Variants in CRELD1 observed in about 807,000 individuals in gnomAD.
CRELD1 encodes the protein CRELD disulfide isomerase 1, also known as protein disulfide isomerase CRELD1.
Under a neutral mutation model 58.2 loss-of-function variants are expected in CRELD1, and 42 were observed. That is an observed-to-expected ratio of 0.72 (90% confidence interval 0.56 to 0.93). CRELD1 has a LOEUF of 0.93. Among genes scored for constraint, CRELD1 ranks in the 40% least tolerant of loss-of-function variants. The probability of loss-of-function intolerance (pLI) is 0.00; values close to 1 mark genes in which losing one functional copy is unlikely to be tolerated. For missense variants in CRELD1, 500 were observed against 540.6 expected, an observed-to-expected ratio of 0.92 and a Z score of 0.74; for synonymous variants, 222 against 202.0, an observed-to-expected ratio of 1.10 and a Z score of -0.84.
Position 9,943,164 on chromosome 3 carries a change from A to C in CRELD1, c.905A>C (p.Lys302Thr), listed in dbSNP as rs947142551. The change falls in exon 9 of 11, where the codon AAG (lysine) becomes ACG (threonine). Residue 302 changes from lysine (K) to threonine (T), a missense_variant. Coordinates refer to ENST00000452070, the MANE Select transcript of CRELD1 (RefSeq NM_001077415.3). ...CSPGYQQVGSKCLDVDECETE... is the reference protein window; with the variant it reads ...CSPGYQQVGSTCLDVDECETE... ...CCTGGCTATCAGCAGGTGGGCTCCAAGTGTCTCGGTGAGTCTCCTGCTGAT... is the reference window on the plus strand; with the variant it reads ...CCTGGCTATCAGCAGGTGGGCTCCACGTGTCTCGGTGAGTCTCCTGCTGAT... 6.2e-7 allele frequency: 1 copy of C among 1,612,828 alleles called. No homozygotes were observed. Among genetic ancestry groups the C allele is most frequent in the Non-Finnish European group, 8.5e-7 (1 of 1,179,800 alleles).
Position 9,941,095 on chromosome 3 carries a change from C to T in CRELD1, c.638-16C>T, listed in dbSNP as rs774885453. On this transcript the variant is annotated splice_polypyrimidine_tract_variant and intron_variant, in intron 6 of 10. Coordinates refer to ENST00000452070, the MANE Select transcript of CRELD1 (RefSeq NM_001077415.3). ...CACCTGCCTGCCCATCCTCATGCTG[C>T]CCCCATTCCACCCAGCTTGTTTTGG... The T allele has an allele frequency of 1.1e-5, 17 of 1,613,984 alleles. No individual in the cohort carries two copies. The highest frequency in any genetic ancestry group is 2.7e-5 in the African/African-American group (2 of 74,940).
Position 9,937,753 on chromosome 3 carries a change from G to A in CRELD1, c.368+81G>A, listed in dbSNP as rs2085236393. 3 of 1,019,038 alleles carry A rather than the reference G, an allele frequency of 2.9e-6. No homozygotes were observed. In the Admixed American group the frequency reaches 6.0e-5, roughly 20 times the overall value. The allele number at this position is 1,019,038 out of a possible 1,614,324, so 63.1% of individuals were successfully genotyped here. On this transcript the variant is annotated intron_variant, in intron 4 of 10. Coordinates refer to ENST00000452070, the MANE Select transcript of CRELD1 (RefSeq NM_001077415.3). ...GGCCTGATTTGGCCGAGAAGCAGGG[G>A]GGTGCATGCTGGGGCCCATGTCCTG...
intron 5 of CRELD1, among the ~76,000 whole-genome samples, chr3:9,939,807 C>T (rs1360863883): frequency 2.0e-5 from 3 of 152,176 alleles, no homozygotes; most frequent in African/African-American, 7.2e-5. Flanking sequence ...TTCCACAAAA[C>T]CGCCATTGTC....
Position 9,942,805 on chromosome 3 carries a change from C to T in CRELD1, c.734-8C>T. The T allele has an allele frequency of 6.2e-7, 1 of 1,612,566 alleles. No individual in the cohort carries two copies. Reference sequence around the variant, plus strand: ...ATTGAAATTCTCACCCTGCTCACCTCTCTGCAGACATTGATGAGTGTGGCA... The same window carrying T: ...ATTGAAATTCTCACCCTGCTCACCTTTCTGCAGACATTGATGAGTGTGGCA... On this transcript the variant is annotated splice_region_variant and splice_polypyrimidine_tract_variant and intron_variant, in intron 7 of 10. Coordinates refer to ENST00000452070, the MANE Select transcript of CRELD1 (RefSeq NM_001077415.3).
Position 9,943,455 on chromosome 3 carries a change from T to G in CRELD1, c.988T>G (p.Cys330Gly). ...TGAAAACACCGAGGGCGGTTATCGC[T>G]GCATCTGTGCCGAGGGCTACAAGCA... ...QCENTEGGYR[C>G]ICAEGYKQME... Residue 330 changes from cysteine (C) to glycine (G), a missense_variant, in exon 10 of 11, where the codon TGC (cysteine) becomes GGC (glycine). By Grantham distance (159) the Cys-to-Gly change is radical. Transcript: ENST00000452070. 1 of 1,613,992 alleles carries G rather than the reference T, an allele frequency of 6.2e-7. No homozygotes were observed. Among genetic ancestry groups the G allele is most frequent in the South Asian group, 1.1e-5 (1 of 91,084 alleles).
intron 5 of CRELD1, 89 bp from the exon 6 acceptor site, chr3:9,940,761 A>C (rs55862344): frequency 5.9e-5 from 50 of 841,494 alleles, no homozygotes; most frequent in Non-Finnish European, 7.8e-5. Context: ...GAGGGAAGGC[A>C]AGGGAGAGGG....
chr3:9,935,038 T>A, intron 3 of CRELD1, 121 bp downstream of exon 3: 1 of 820,400 alleles, frequency 1.2e-6, no homozygotes, highest in Non-Finnish European at 1.9e-6. Context: ...ACTGAACATC[T>A]ATAGTATAGC....
chr3:9,938,310 T>C (rs2124833751), intron 5 of CRELD1: 1 of 599,624 alleles, frequency 1.7e-6, no homozygotes, highest in South Asian at 1.9e-5. Context: ...CTAGACTGAG[T>C]CATATGCAGT....
At chr3:9,944,090 A>G (rs779560355) in intron 10 of CRELD1, 18 of 792,552 alleles carry the variant, frequency 2.3e-5, no homozygotes, top group Middle Eastern at 2.2e-4. Flanking sequence ...AACGAGACTC[A>G]TACACGTAAT....
Position 9,937,614 on chromosome 3 carries a change from G to A in CRELD1, c.310G>A (p.Glu104Lys), listed in dbSNP as rs375840562. 16 of 1,612,498 alleles carry A rather than the reference G, an allele frequency of 9.9e-6. No homozygotes were observed. The highest frequency in any genetic ancestry group is 2.2e-5 in the South Asian group (2 of 90,494). The change falls in exon 4 of 11, where the codon GAG becomes AAG. Residue 104 changes from glutamate to lysine, a missense_variant. Coordinates refer to ENST00000452070, the MANE Select transcript of CRELD1 (RefSeq NM_001077415.3). ...LEGVCSKSDF[E>K]CHRLLELSEE... ...GGGTGTGTGCAGCAAGTCAGACTTC[G>A]AGTGCCACCGCCTGCTGGAGCTGAG...
At chr3:9,936,179 CT>C (rs1250734763) in intron 3 of CRELD1, 1 of 152,184 alleles carries the variant, frequency 6.6e-6, no homozygotes, top group Admixed American at 6.5e-5. Flanking sequence ...ATATTAATAC[CT>C]GGTTTGCCTA....
chr3:9,943,836 G>A, intron 10 of CRELD1: 1 of 1,613,558 alleles, frequency 6.2e-7, no homozygotes, highest in South Asian at 1.1e-5. Flanking sequence ...GTGAGATGCA[G>A]GGTAATCACA....
intron 3 of CRELD1, 137 bp downstream of exon 3, chr3:9,935,054 A>G (rs1575631949): frequency 1.4e-6 from 1 of 724,214 alleles, no homozygotes; most frequent in East Asian, 2.7e-5. Flanking sequence ...ATAGCAGTAA[A>G]CAAGGCAAGC....
At position 9,944,399 on chromosome 3, in the gene CRELD1, C is replaced by T. The variant is rs371764867; in HGVS notation, c.1083C>T (p.Asp361=). The change falls in exon 11 of 11, where the codon GAC becomes GAT. Residue 361 remains aspartate (D), a synonymous_variant. Coordinates refer to ENST00000452070, the MANE Select transcript of CRELD1 (RefSeq NM_001077415.3). ...GCTTCTTCTCAGAGATGACAGAAGACGAGTTGGTGGTGCTGCAGCAGATGT... is the reference window on the plus strand; with the variant it reads ...GCTTCTTCTCAGAGATGACAGAAGATGAGTTGGTGGTGCTGCAGCAGATGT... ...SAGFFSEMTE[D]ELVVLQQMFF... 2.1e-5 allele frequency: 34 copies of T among 1,614,124 alleles called. No individual in the cohort carries two copies. Among genetic ancestry groups the T allele is most frequent in the Non-Finnish European group, 2.6e-5 (31 of 1,180,038 alleles).
chr3:9,939,469 G>C (rs944229334), intron 5 of CRELD1, among the ~76,000 whole-genome samples: 1 of 152,154 alleles, frequency 6.6e-6, no homozygotes, highest in Non-Finnish European at 1.5e-5. Flanking sequence ...CCTAGGCAGA[G>C]GACCCTGCGG....
At position 9,942,872 on chromosome 3, in the gene CRELD1, A is replaced by T. The variant is rs1559338541; in HGVS notation, c.793A>T (p.Thr265Ser). Residue 265 changes from threonine to serine, a missense_variant, in exon 8 of 11, where the codon ACT (threonine) becomes TCT (serine). By Grantham distance (58) the Thr-to-Ser change is moderately conservative. Coordinates refer to ENST00000452070, the MANE Select transcript of CRELD1 (RefSeq NM_001077415.3). Reference sequence around the variant, plus strand: ...TGGAGCTGACCAATTCTGCGTGAACACTGAGGGCTCCTATGAGTGCCGAGG... The same window carrying T: ...TGGAGCTGACCAATTCTGCGTGAACTCTGAGGGCTCCTATGAGTGCCGAGG... ...NCGADQFCVNTEGSYECRDCA... is the reference protein window; with the variant it reads ...NCGADQFCVNSEGSYECRDCA... 1 of 1,614,180 alleles carries T rather than the reference A, an allele frequency of 6.2e-7. No homozygotes were observed.
chr3:9,933,892 C>T lies in CRELD1; in HGVS notation c.-48C>T. The T allele has an allele frequency of 2.2e-6, 1 of 454,176 alleles. No homozygotes were observed. The highest frequency in any genetic ancestry group is 3.9e-6 in the Non-Finnish European group (1 of 253,952). 28.1% of individuals were successfully genotyped at this position (454,176 alleles called of 1,614,324 possible). Reference sequence around the variant, plus strand: ...CACGGCGCCCGCGGGCTGGGGCGGTCGCTTCTTCCTTCTCCGTGGCCTACG... The same window carrying T: ...CACGGCGCCCGCGGGCTGGGGCGGTTGCTTCTTCCTTCTCCGTGGCCTACG... On this transcript the variant is annotated 5_prime_UTR_variant, in exon 1 of 11. Transcript: ENST00000452070.
At position 9,937,678 on chromosome 3, in the gene CRELD1, TG is replaced by T. The variant is rs1254922746; in HGVS notation, c.368+8del. On this transcript the variant is annotated splice_region_variant and intron_variant, in intron 4 of 10. Coordinates refer to ENST00000452070, the MANE Select transcript of CRELD1 (RefSeq NM_001077415.3). ...GAGAGCTGGTGGTTTCACAAGTGAGTGGCAAAGGGCCTTCCCTGGAAGTGGG... is the reference window on the plus strand; with the variant it reads ...GAGAGCTGGTGGTTTCACAAGTGAGTGCAAAGGGCCTTCCCTGGAAGTGGG... The T allele has an allele frequency of 1.3e-6, 2 of 1,588,264 alleles. No homozygotes were observed. The highest frequency in any genetic ancestry group is 1.7e-6 in the Non-Finnish European group (2 of 1,163,608).
At chr3:9,943,263 G>C in intron 9 of CRELD1, 91 bp downstream of exon 9, 1 of 1,593,594 alleles carries the variant, frequency 6.3e-7, no homozygotes, top group East Asian at 2.2e-5. Flanking sequence ...GGTGGGGGAA[G>C]GAAGGGTGGA....
Sources: gnomAD v4.1 joint callset for allele counts (sites outside exome capture counted in the v4.1 genomes callset) on GRCh38, gnomAD v4.1.1 for gene constraint, MANE v1.5 for transcripts, NCBI Gene and HGNC (gene_info 2026-07-23, HGNC 2026-07-21) for gene names.